The following CHD1L variants were observed in gnomAD, a reference collection of about 807,000 sequenced individuals.
CHD1L encodes the protein chromodomain helicase DNA binding protein 1 like.
Under a neutral mutation model 115.9 loss-of-function variants are expected in CHD1L, and 118 were observed. That is an observed-to-expected ratio of 1.02 (90% CI 0.88 to 1.19). The LOEUF (loss-of-function observed/expected upper bound fraction) is 1.19, where lower values mean the gene tolerates loss of function less well. CHD1L is among the 50% of genes most tolerant of loss of function. The pLI is 0.00. For synonymous variants in CHD1L, 411 were observed against 387.1 expected (o/e 1.06, Z -0.72); for missense variants, 1,179 against 1,065.3 (o/e 1.11, Z -1.49).
At chr1:147,272,970 TG>T (rs1270758243) in intron 12 of CHD1L, among the ~76,000 whole-genome samples, 2 of 142,924 alleles carry the variant, frequency 1.4e-5, no homozygotes, top group African/African-American at 5.2e-5. Context: ...GAGGCTGAGG[TG>T]GGTGGATCAC....
chr1:147,224,130 T>C, the CHD1L span: 1 of 323,468 alleles, frequency 3.1e-6, no homozygotes. Context: ...TTGGGATGTC[T>C]AGTCCACAGG....
In CHD1L at chr1:147,295,629, C is replaced by T; in HGVS notation, c.*120C>T. On this transcript the variant is annotated 3_prime_UTR_variant, in exon 23 of 23. Transcript: ENST00000369258. ...GTGGGCCTCAGAAATTGTCTCTTTTCTGAGTTTCAGTTTGGTTCTCCTGGA... is the reference window on the plus strand; with the variant it reads ...GTGGGCCTCAGAAATTGTCTCTTTTTTGAGTTTCAGTTTGGTTCTCCTGGA... 1 of 737,526 alleles carries T rather than the reference C, an allele frequency of 1.4e-6. No homozygotes were observed. The highest frequency in any genetic ancestry group is 2.1e-6 in the Non-Finnish European group (1 of 466,998). 45.7% of individuals were successfully genotyped at this position (737,526 alleles called of 1,614,324 possible).
chr1:147,265,853 ATTTC>A (rs1302556065), intron 7 of CHD1L, 75 bp from the exon 8 acceptor site: 5 of 1,321,422 alleles, frequency 3.8e-6, no homozygotes, highest in Non-Finnish European at 5.1e-6. Flanking sequence ...ACAAAAATAA[ATTTC>A]TTTAAGTTCT....
chr1:147,285,236 T>C (rs1244932101), intron 16 of CHD1L, 88 bp from the exon 17 acceptor site: 8 of 1,408,166 alleles, frequency 5.7e-6, no homozygotes, highest in Non-Finnish European at 7.8e-6. Context: ...ATATTAAGCA[T>C]GTTGCTTCCG....
intron 19 of CHD1L, among the ~76,000 whole-genome samples, chr1:147,288,853 C>G (rs1006368776): frequency 6.6e-6 from 1 of 152,096 alleles, no homozygotes; most frequent in East Asian, 1.9e-4. Context: ...GAAGCCTGAA[C>G]AATATTGTCC....
intron 16 of CHD1L, 72 bp from the exon 17 acceptor site, chr1:147,285,252 T>C: frequency 6.8e-7 from 1 of 1,481,382 alleles, no homozygotes; most frequent in South Asian, 1.3e-5. Flanking sequence ...TTCCGTACAG[T>C]GTGTGTTAGG....
chr1:147,175,078 A>G, the CHD1L span: 1 of 152,208 alleles, frequency 6.6e-6, no homozygotes, highest in East Asian at 1.9e-4. Context: ...GGAGGTTTAT[A>G]TTCCCATCTC....
the CHD1L span, among the ~76,000 whole-genome samples, chr1:147,189,416 A>G: frequency 6.6e-6 from 1 of 152,116 alleles, no homozygotes; most frequent in African/African-American, 2.4e-5. Flanking sequence ...GAGCACCTGG[A>G]AGTTGTAACG....
the CHD1L span, among the ~76,000 whole-genome samples, chr1:147,229,098 G>C: frequency 1.3e-4 from 20 of 152,248 alleles, no homozygotes; most frequent in African/African-American, 4.6e-4. Context: ...ACTATGTCCT[G>C]AATGGTATTG....
At chr1:147,213,602 C>A in the CHD1L span, 1 of 727,398 alleles carries the variant, frequency 1.4e-6, no homozygotes, top group South Asian at 3.3e-5. Context: ...TTTTCATACT[C>A]CACAAATAAG....
the CHD1L span, chr1:147,186,565 C>A: frequency 2.9e-6 from 3 of 1,023,796 alleles, no homozygotes; most frequent in African/African-American, 1.7e-5. Context: ...ACTCTCCCTA[C>A]CATAAAATTT....
intron 6 of CHD1L, chr1:147,260,800 C>G (rs1553943653): frequency 1.3e-5 from 2 of 152,190 alleles, no homozygotes; most frequent in East Asian, 3.9e-4. Context: ...TTCTCTGGAT[C>G]TCTTGCATCA....
chr1:147,179,332 G>A, the CHD1L span: 3 of 1,605,352 alleles, frequency 1.9e-6, no homozygotes, highest in South Asian at 3.3e-5. Flanking sequence ...CCCTTGGTGT[G>A]GTCACTGTAA....
At chr1:147,197,661 A>G in the CHD1L span, among the ~76,000 whole-genome samples, 1 of 152,106 alleles carries the variant, frequency 6.6e-6, no homozygotes, top group Admixed American at 6.5e-5. Flanking sequence ...TCCTTCTGCC[A>G]TGATTGTAAG....
chr1:147,280,162 A>G lies in CHD1L; in HGVS notation c.1676A>G (p.Glu559Gly). ...QWVSDALPAA[E>G]GGSRDQEEGK... ...GTCTCTGATGCCTTGCCTGCAGCAG[A>G]AGGAGGGAGCAGAGATCAAGAGGAA... Residue 559 changes from glutamate (E) to glycine (G), a missense_variant, in exon 15 of 23, where the codon GAA becomes GGA. Physicochemically the swap from Glu to Gly is moderately conservative, Grantham distance 98. Transcript: ENST00000369258. 1.2e-6 allele frequency: 2 copies of G among 1,610,572 alleles called. No homozygotes were observed. Among genetic ancestry groups the G allele is most frequent in the Middle Eastern group, 1.7e-4 (1 of 5,978 alleles).
Position 147,242,726 on chromosome 1 carries a change from G to C in CHD1L, c.23G>C (p.Ser8Thr). ...CCGATGGAGCGCGCGGGCGCTACTA[G>C]CCGCGGGGGCCAAGCCCCTGGCTTC... MERAGAT[S>T]RGGQAPGFLL... The change falls in exon 1 of 23, where the codon AGC becomes ACC. Residue 8 changes from serine to threonine, a missense_variant. By Grantham distance (58) the Ser-to-Thr change is moderately conservative (BLOSUM62 1). Transcript: ENST00000369258. The C allele has an allele frequency of 7.9e-7, 1 of 1,258,064 alleles. No homozygotes were observed. The highest frequency in any genetic ancestry group is 1.0e-6 in the Non-Finnish European group (1 of 996,592). The allele number at this position is 1,258,064 out of a possible 1,614,324, so 77.9% of individuals were successfully genotyped here. A position where few individuals can be genotyped will look rare whatever the true frequency, so the allele number is the denominator to read the frequency against.
chr1:147,292,269 G>T (rs1553971248), intron 20 of CHD1L, among the ~76,000 whole-genome samples: 1 of 152,212 alleles, frequency 6.6e-6, no homozygotes. Context: ...TTCTATGAAA[G>T]ATTGTGTTTT....
chr1:147,201,353 A>G, the CHD1L span: 4 of 1,614,212 alleles, frequency 2.5e-6, no homozygotes, highest in Admixed American at 1.7e-5. Flanking sequence ...CCTGTGGCAA[A>G]GATAACAGCA....
At chr1:147,218,709 A>G in the CHD1L span, among the ~76,000 whole-genome samples, 1 of 152,198 alleles carries the variant, frequency 6.6e-6, no homozygotes, top group African/African-American at 2.4e-5. Context: ...TTTAATCTTC[A>G]TCCAGTGTTG....
Sources: gnomAD v4.1 joint callset for allele counts (sites outside exome capture counted in the v4.1 genomes callset) on GRCh38, gnomAD v4.1.1 for gene constraint, MANE v1.5 for transcripts, NCBI Gene and HGNC (gene_info 2026-07-23, HGNC 2026-07-21) for gene names.